The following PTPRD variants were observed in gnomAD, a reference collection of about 807,000 sequenced individuals.
The protein encoded by PTPRD is protein tyrosine phosphatase receptor type D.
PTPRD carries 34 observed loss-of-function variants against 214.5 expected under a neutral mutation model. That is an observed-to-expected ratio of 0.16 (90% CI 0.12 to 0.21). PTPRD has a LOEUF of 0.21. PTPRD is among the 10% of genes least tolerant of loss of function. The pLI, the probability that PTPRD is intolerant of heterozygous loss-of-function variation, is 1.00. For synonymous variants in PTPRD, 1,128 were observed against 845.7 expected (o/e 1.33, Z -5.79); for missense variants, 2,545 against 2,398.7 (o/e 1.06, Z -1.27).
At chr9:10,118,815 T>C (rs58750073) in intron 3 of PTPRD, among the ~76,000 whole-genome samples, 31,148 of 150,498 alleles carry the variant, frequency 0.21, 3,472 homozygotes, top group South Asian at 0.34. Flanking sequence ...TGAGAATGAC[T>C]TTTTCAAACC....
intron 10 of PTPRD, among the ~76,000 whole-genome samples, chr9:9,183,037 C>G (rs1326694100): frequency 6.6e-6 from 1 of 151,970 alleles, no homozygotes; most frequent in Admixed American, 6.6e-5. Flanking sequence ...CCCCCACGTT[C>G]AGGCCTAACA....
chr9:9,457,184 T>C (rs953758320), intron 8 of PTPRD, among the ~76,000 whole-genome samples: 3 of 151,950 alleles, frequency 2.0e-5, no homozygotes, highest in Admixed American at 2.0e-4. Flanking sequence ...GGTACTTATT[T>C]ACTCTGTTAC....
At chr9:10,278,462 T>C (rs536016921) in intron 3 of PTPRD, among the ~76,000 whole-genome samples, 177 of 152,074 alleles carry the variant, frequency 1.2e-3, no homozygotes, top group Non-Finnish European at 2.2e-3. Flanking sequence ...CCCTCCAAAA[T>C]CAGACAACTT....
At chr9:9,709,768 A>T (rs765676581) in intron 7 of PTPRD, among the ~76,000 whole-genome samples, 1 of 152,026 alleles carries the variant, frequency 6.6e-6, no homozygotes, top group African/African-American at 2.4e-5. Flanking sequence ...TAAGTACTGT[A>T]ATCACCATTG....
At chr9:8,650,209 C>T (rs921242558) in intron 12 of PTPRD, among the ~76,000 whole-genome samples, 1 of 152,014 alleles carries the variant, frequency 6.6e-6, no homozygotes, top group African/African-American at 2.4e-5. Context: ...TGAGCCCACA[C>T]TCAGCAAGGG....
chr9:10,370,822 C>T (rs1467739496), intron 2 of PTPRD, among the ~76,000 whole-genome samples: 3 of 151,890 alleles, frequency 2.0e-5, no homozygotes, highest in Admixed American at 1.3e-4. Flanking sequence ...TAAAAGATCT[C>T]TTCTCTCCTG....
At chr9:9,736,643 A>G (rs1168537923) in intron 6 of PTPRD, among the ~76,000 whole-genome samples, 1 of 152,102 alleles carries the variant, frequency 6.6e-6, no homozygotes, top group Non-Finnish European at 1.5e-5. Flanking sequence ...TCAGTTTACT[A>G]TTTAGTGGAA....
At chr9:8,853,800 T>A (rs545879230) in intron 11 of PTPRD, among the ~76,000 whole-genome samples, 1 of 152,334 alleles carries the variant, frequency 6.6e-6, no homozygotes, top group African/African-American at 2.4e-5. Context: ...CTGGTTTTGC[T>A]TGAGGCAGTA....
rs2098572047 is a variant in PTPRD at position 8,726,601 on chromosome 9, A to ATTAT, written c.64+7178_64+7179insATAA. Reference sequence around the variant, plus strand: ...AAAAAAAAAAAAAATATATATATATATATATATATATATATATATATATAT... The same window carrying ATTAT: ...AAAAAAAAAAAAAATATATATATATATTATTATATATATATATATATATATATAT... On this transcript the variant is annotated intron_variant, in intron 12 of 45. Coordinates refer to ENST00000381196, the MANE Select transcript of PTPRD (RefSeq NM_002839.4). Among the ~76,000 whole-genome samples the ATTAT allele has an allele frequency of 3.7e-4, 3 of 8,124 alleles. 1 individual carries two copies. The highest frequency in any genetic ancestry group is 7.0e-4 in the Non-Finnish European group (3 of 4,256). The allele number at this position is 8,124 out of a possible 152,430, so 5.3% of individuals were successfully genotyped here.
chr9:10,112,990 G>T (rs2098703885), intron 3 of PTPRD, among the ~76,000 whole-genome samples: 1 of 152,218 alleles, frequency 6.6e-6, no homozygotes, highest in Admixed American at 6.5e-5. Context: ...GATTCATCCT[G>T]CCCAGACACA....
chr9:8,315,769 G>GAACA lies in PTPRD; in HGVS notation c.*2101_*2104dup. On this transcript the variant is annotated 3_prime_UTR_variant, in exon 46 of 46. Transcript: ENST00000381196. ...TGGAAAACAAAAATCCTTCCATGCA[G>GAACA]AACATCCATGAAGCTAAAATTAAAC... is the stretch of plus-strand genomic sequence containing the variant. 1 of 228,538 alleles carries GAACA rather than the reference G, an allele frequency of 4.4e-6. No individual in the cohort carries two copies. The highest frequency in any genetic ancestry group is 8.7e-6 in the Non-Finnish European group (1 of 115,046). The allele number at this position is 228,538 out of a possible 1,614,324, so 14.2% of individuals were successfully genotyped here.
intron 26 of PTPRD, among the ~76,000 whole-genome samples, chr9:8,493,479 G>C (rs1338770523): frequency 6.6e-6 from 1 of 152,056 alleles, no homozygotes; most frequent in Non-Finnish European, 1.5e-5. Context: ...ACTACAGATG[G>C]GGCTGATGCC....
At chr9:8,503,369 A>G (rs1457531401) in intron 23 of PTPRD, among the ~76,000 whole-genome samples, 3 of 152,140 alleles carry the variant, frequency 2.0e-5, no homozygotes, top group African/African-American at 7.2e-5. Flanking sequence ...CACTATGTCA[A>G]AAAGTAAAGA....
At chr9:9,087,403 A>AT (rs1444999308) in intron 10 of PTPRD, among the ~76,000 whole-genome samples, 2 of 152,300 alleles carry the variant, frequency 1.3e-5, no homozygotes, top group East Asian at 3.9e-4. Context: ...GATAAGTTCA[A>AT]GAATGAGAAA....
intron 4 of PTPRD, among the ~76,000 whole-genome samples, chr9:10,014,994 C>T (rs941250450): frequency 1.3e-5 from 2 of 152,052 alleles, no homozygotes; most frequent in African/African-American, 4.8e-5. Context: ...ATGGTAATAG[C>T]CACATGGCAT....
chr9:9,002,084 G>T lies in PTPRD; in HGVS notation c.-104+16613C>A, dbSNP rs542672063. On this transcript the variant is annotated intron_variant, in intron 11 of 45. Coordinates refer to ENST00000381196, the MANE Select transcript of PTPRD (RefSeq NM_002839.4). The stretch of plus-strand genomic sequence containing the variant: ...CTCTAATCAAATCACTCTAATCATC[G>T]TAACAAAAGATTTTTTCCCTGTTTT... Among the ~76,000 whole-genome samples the T allele has an allele frequency of 2.0e-5, 3 of 151,790 alleles. No homozygotes were observed. The South Asian group carries it at 6.2e-4, about 32-fold the overall frequency.
In PTPRD at chr9:9,636,144, T is replaced by G. The variant is rs147330943; in HGVS notation, c.-286-61363A>C. 2.4e-3 allele frequency among the ~76,000 whole-genome samples: 363 copies of G among 152,324 alleles called. 2 individuals are homozygous for G. The highest frequency in any genetic ancestry group is 8.3e-3 in the African/African-American group (344 of 41,574). On this transcript the variant is annotated intron_variant, in intron 7 of 45. Transcript: ENST00000381196. ...GGATATTTTTCACGTGTTCTTCTCC[T>G]GACCTGAAACACTTTTTTGCCCACT...
At chr9:8,734,775 T>C (rs954924294) in intron 11 of PTPRD, among the ~76,000 whole-genome samples, 2 of 152,206 alleles carry the variant, frequency 1.3e-5, no homozygotes, top group Non-Finnish European at 1.5e-5. Context: ...GTACACCAGA[T>C]GATTAGTACA....
intron 14 of PTPRD, among the ~76,000 whole-genome samples, chr9:8,613,341 C>T (rs2095512053): frequency 6.6e-6 from 1 of 152,064 alleles, no homozygotes; most frequent in South Asian, 2.1e-4. Context: ...AGGTACTATC[C>T]CTGACATTAA....
Sources: allele counts gnomAD v4.1 joint callset (sites outside exome capture counted in the v4.1 genomes callset), GRCh38; gene constraint gnomAD v4.1.1; transcripts MANE v1.5; gene names NCBI Gene and HGNC (gene_info 2026-07-23, HGNC 2026-07-21).